The following VPS18 variants were observed in gnomAD, a reference collection of about 807,000 sequenced individuals.
VPS18 encodes the protein VPS18 core subunit of CORVET and HOPS complexes.
A neutral mutation model predicts 82.0 loss-of-function variants in VPS18; 25 were observed. The observed-to-expected ratio is 0.30, with a 90% confidence interval of 0.22 to 0.43. The LOEUF (loss-of-function observed/expected upper bound fraction) is 0.43. VPS18 is among the 20% of genes least tolerant of loss of function. The probability of loss-of-function intolerance (pLI) is 1.00; values close to 1 mark genes in which losing one functional copy is unlikely to be tolerated. For synonymous variants in VPS18, 523 were observed against 543.0 expected (o/e 0.96, Z 0.51); for missense variants, 1,168 against 1,311.1 (o/e 0.89, Z 1.69).
At position 40,900,232 on chromosome 15, in the gene VPS18, T is replaced by A; in HGVS notation, c.1414T>A (p.Phe472Ile). 1.2e-6 allele frequency: 2 copies of A among 1,613,376 alleles called. No individual in the cohort carries two copies. The highest frequency in any genetic ancestry group is 1.7e-6 in the Non-Finnish European group (2 of 1,179,864). Residue 472 changes from phenylalanine to isoleucine, a missense_variant, in exon 4 of 5, where the codon TTC becomes ATC. Phe to Ile is a conservative substitution (Grantham distance 21, BLOSUM62 0). Around this residue, in one of 3 missense-constraint regions of VPS18, gnomAD observed 868 missense variants for 939.8 expected, o/e 0.92. Transcript: ENST00000220509. The surrounding 1 kb of genome is among the most constrained non-coding windows in gnomAD (Gnocchi z 5.4). ...EARQEEALAE[F>I]LQRKLASLKP... Reference sequence around the variant, plus strand: ...CCGACAGGAGGAGGCTCTGGCTGAGTTCCTGCAGCGAAAACTGGCCAGTTT... The same window carrying A: ...CCGACAGGAGGAGGCTCTGGCTGAGATCCTGCAGCGAAAACTGGCCAGTTT...
chr15:40,901,240 G>A (rs1458094766), intron 4 of VPS18, among the ~76,000 whole-genome samples: 3 of 152,208 alleles, frequency 2.0e-5, no homozygotes, highest in Non-Finnish European at 4.4e-5. Context: ...AGATTATTTG[G>A]CCACAAAAGG....
intron 1 of VPS18, 96 bp downstream of exon 1, chr15:40,894,955 C>A: frequency 8.0e-7 from 1 of 1,243,540 alleles, no homozygotes; most frequent in Non-Finnish European, 1.1e-6. Context: ...GGGTCATCCC[C>A]TGGGCCGTGC....
rs1185998597 is a variant in VPS18 at position 40,903,787 on chromosome 15, G to GTGTCCCAGAAGTGAGAAGGCA, written c.*447_*467dup. On this transcript the variant is annotated 3_prime_UTR_variant, in exon 5 of 5. Transcript: ENST00000220509. ...AGCCTTCTCTTCCTCCTGCCTGTAG[G>GTGTCCCAGAAGTGAGAAGGCA]TGTCCCAGAAGTGAGAAGGCAGCCT... 2 of 155,662 alleles carry GTGTCCCAGAAGTGAGAAGGCA rather than the reference G, an allele frequency of 1.3e-5. No homozygotes were observed. The highest frequency in any genetic ancestry group is 3.8e-4 in the East Asian group (2 of 5,254). The allele number at this position is 155,662 out of a possible 1,614,324, so 9.6% of individuals were successfully genotyped here. A position where few individuals can be genotyped will look rare whatever the true frequency, so the allele number is the denominator to read the frequency against.
chr15:40,901,734 T>C (rs529365852), intron 4 of VPS18, among the ~76,000 whole-genome samples: 1 of 151,968 alleles, frequency 6.6e-6, no homozygotes, highest in African/African-American at 2.4e-5. Context: ...GTCGAAACCC[T>C]GTCTCTACTG....
In VPS18 at chr15:40,899,618, A is replaced by C. The variant is rs1223337058; in HGVS notation, c.800A>C (p.Tyr267Ser). The C allele has an allele frequency of 6.2e-7, 1 of 1,611,338 alleles. No homozygotes were observed. The highest frequency in any genetic ancestry group is 1.1e-5 in the South Asian group (1 of 91,084). Residue 267 changes from tyrosine (Y) to serine (S), a missense_variant, in exon 4 of 5, where the codon TAC (tyrosine) becomes TCC (serine). By Grantham distance (144) the Tyr-to-Ser change is moderately radical. This residue lies in a region of VPS18 where 868 missense variants were observed against 939.8 expected (regional missense o/e 0.92). Transcript: ENST00000220509. This position sits in a 1 kb window ranked among gnomAD's most constrained non-coding sequence, Gnocchi z 4.4. Reference protein sequence around the residue: ...PFREFPSNLGYSELAFYTPKL... With the variant: ...PFREFPSNLGSSELAFYTPKL... ...CGTGAGTTTCCCAGCAACCTGGGCT[A>C]CAGTGAGTTGGCCTTCTACACCCCC...
rs1171414890 is a variant in VPS18, at chr15:40,902,761, C to G, written c.2342C>G (p.Pro781Arg). The G allele has an allele frequency of 3.1e-6, 5 of 1,614,132 alleles. No individual in the cohort carries two copies. Among genetic ancestry groups the G allele is most frequent in the African/African-American group, 1.3e-5 (1 of 74,950 alleles). Residue 781 changes from proline to arginine, a missense_variant, in exon 5 of 5, where the codon CCC becomes CGC. Transcript: ENST00000220509. This position sits in a 1 kb window ranked among gnomAD's most constrained non-coding sequence, Gnocchi z 4.2. ...GCCATGGCTTGCCTGGCTAGCTGCCCCTTGCTCAAGATTGAGGATGTGCTG... is the reference window on the plus strand; with the variant it reads ...GCCATGGCTTGCCTGGCTAGCTGCCGCTTGCTCAAGATTGAGGATGTGCTG... ...QTAMACLASC[P>R]LLKIEDVLPF... is the part of the protein sequence containing the mutation.
chr15:40,903,140 C>A lies in VPS18; in HGVS notation c.2721C>A (p.Pro907=), dbSNP rs776901421. 3 of 1,608,554 alleles carry A rather than the reference C, an allele frequency of 1.9e-6. No individual in the cohort carries two copies. Among genetic ancestry groups the A allele is most frequent in the South Asian group, 2.2e-5 (2 of 90,672 alleles). ...AGAGGAAGCTGGGGGCTGCTCCACC[C>A]CCAGCCAAGGGCTCTGCCCGGGCCA... The part of the protein sequence containing the change: ...ELQRKLGAAP[P]PAKGSARAKE... The change falls in exon 5 of 5, where the codon CCC becomes CCA. Residue 907 remains proline (P), a synonymous_variant. Coordinates refer to ENST00000220509, the MANE Select transcript of VPS18 (RefSeq NM_020857.3).
rs377436168 is a variant in VPS18, at chr15:40,900,732, G to A, written c.1914G>A (p.Glu638=). 6.2e-7 allele frequency: 1 copy of A among 1,614,090 alleles called. No individual in the cohort carries two copies. The highest frequency in any genetic ancestry group is 1.3e-5 in the African/African-American group (1 of 74,938). ...PALVNYSQGG[E]VQQVSQAIRY... is the part of the protein sequence containing the mutation. ...TGGTGAACTACAGCCAGGGTGGTGAGGTCCAGCAGGTGAGCCAGGCCATCC... is the reference window on the plus strand; with the variant it reads ...TGGTGAACTACAGCCAGGGTGGTGAAGTCCAGCAGGTGAGCCAGGCCATCC... The change falls in exon 4 of 5, where the codon GAG becomes GAA. Residue 638 remains glutamate, a synonymous_variant. Coordinates refer to ENST00000220509, the MANE Select transcript of VPS18 (RefSeq NM_020857.3). The surrounding 1 kb of genome is among the most constrained non-coding windows in gnomAD (Gnocchi z 5.4).
At position 40,903,322 on chromosome 15, in the gene VPS18, A is replaced by G; in HGVS notation, c.2903A>G (p.Glu968Gly). The G allele has an allele frequency of 6.5e-7, 1 of 1,543,874 alleles. No homozygotes were observed. The highest frequency in any genetic ancestry group is 8.7e-7 in the Non-Finnish European group (1 of 1,144,806). ...PFIDPQRYEE[E>G]QLSWL Reference sequence around the variant, plus strand: ...ATCGACCCCCAGCGCTACGAGGAGGAGCAGCTCAGTTGGCTGTAGGAGGGT... The same window carrying G: ...ATCGACCCCCAGCGCTACGAGGAGGGGCAGCTCAGTTGGCTGTAGGAGGGT... Residue 968 changes from glutamate to glycine, a missense_variant, in exon 5 of 5, where the codon GAG becomes GGG. Coordinates refer to ENST00000220509, the MANE Select transcript of VPS18 (RefSeq NM_020857.3).
chr15:40,899,574 G>A lies in VPS18; in HGVS notation c.756G>A (p.Thr252=), dbSNP rs372228961. The A allele has an allele frequency of 1.7e-5, 27 of 1,608,046 alleles. No homozygotes were observed. The highest frequency in any genetic ancestry group is 3.3e-5 in the Admixed American group (2 of 60,012). The change falls in exon 4 of 5, where the codon ACG becomes ACA. Residue 252 remains threonine, a synonymous_variant. Transcript: ENST00000220509. This position sits in a 1 kb window ranked among gnomAD's most constrained non-coding sequence, Gnocchi z 4.4. ...QGFSGLFAAY[T]DHPPPFREFP... The stretch of plus-strand genomic sequence containing the variant: ...TCTCAGGGCTCTTTGCAGCTTACAC[G>A]GACCACCCACCCCCATTCCGTGAGT...
Position 40,899,789 on chromosome 15 carries a change from C to T in VPS18, c.971C>T (p.Pro324Leu). ...YPEGVGPGAS[P>L]PLAIVLTQFH... Reference sequence around the variant, plus strand: ...GAGGGGGTAGGGCCTGGGGCCAGCCCACCCCTAGCCATCGTCTTGACCCAG... The same window carrying T: ...GAGGGGGTAGGGCCTGGGGCCAGCCTACCCCTAGCCATCGTCTTGACCCAG... Residue 324 changes from proline (P) to leucine (L), a missense_variant, in exon 4 of 5, where the codon CCA becomes CTA. By Grantham distance (98) the Pro-to-Leu change is moderately conservative (BLOSUM62 -3). Around this residue, in one of 3 missense-constraint regions of VPS18, gnomAD observed 868 missense variants for 939.8 expected, o/e 0.92. Coordinates refer to ENST00000220509, the MANE Select transcript of VPS18 (RefSeq NM_020857.3). The surrounding 1 kb of genome is among the most constrained non-coding windows in gnomAD (Gnocchi z 4.4). The T allele has an allele frequency of 6.2e-7, 1 of 1,611,950 alleles. No homozygotes were observed. The highest frequency in any genetic ancestry group is 8.5e-7 in the Non-Finnish European group (1 of 1,180,014).
chr15:40,898,473 CTTT>C (rs1354455179), intron 2 of VPS18, among the ~76,000 whole-genome samples: 4 of 136,686 alleles, frequency 2.9e-5, no homozygotes, highest in Non-Finnish European at 4.8e-5. Context: ...TCAGCAATTT[CTTT>C]TTTTTTTTTT....
rs553749468 is a variant in VPS18 at position 40,900,754 on chromosome 15, A to T, written c.1936A>T (p.Ile646Phe). 4.0e-5 allele frequency: 65 copies of T among 1,614,178 alleles called. 1 individual carries two copies. The South Asian group carries it at 7.0e-4, about 17-fold the overall frequency. ...TGAGGTCCAGCAGGTGAGCCAGGCC[A>T]TCCGCTACATGGAGTTCTGCGTGAA... ...GGEVQQVSQA[I>F]RYMEFCVNVL... The change falls in exon 4 of 5, where the codon ATC becomes TTC. Residue 646 changes from isoleucine to phenylalanine, a missense_variant. Around this residue, in one of 3 missense-constraint regions of VPS18, gnomAD observed 868 missense variants for 939.8 expected, o/e 0.92. Coordinates refer to ENST00000220509, the MANE Select transcript of VPS18 (RefSeq NM_020857.3). This position sits in a 1 kb window ranked among gnomAD's most constrained non-coding sequence, Gnocchi z 5.4.
At chr15:40,895,830 G>A in intron 1 of VPS18, 108 bp from the exon 2 acceptor site, 1 of 1,463,494 alleles carries the variant, frequency 6.8e-7, no homozygotes, top group South Asian at 1.2e-5. Context: ...CCTGGGGATA[G>A]GAATATGTCA....
Position 40,900,463 on chromosome 15 carries a change from A to C in VPS18, c.1645A>C (p.Ser549Arg). 2 of 1,614,034 alleles carry C rather than the reference A, an allele frequency of 1.2e-6. No individual in the cohort carries two copies. The highest frequency in any genetic ancestry group is 1.7e-6 in the Non-Finnish European group (2 of 1,180,000). ...SRASIHELLA[S>R]HGDTEHMVYF... ...GGCCTCTATCCATGAGCTGCTCGCC[A>C]GTCATGGGGACACAGAACACATGGT... is the stretch of plus-strand genomic sequence containing the variant. Residue 549 changes from serine (S) to arginine (R), a missense_variant, in exon 4 of 5, where the codon AGT becomes CGT. This residue lies in a region of VPS18 where 868 missense variants were observed against 939.8 expected (regional missense o/e 0.92). Transcript: ENST00000220509. This position sits in a 1 kb window ranked among gnomAD's most constrained non-coding sequence, Gnocchi z 5.4.
rs1892297144 is a variant in VPS18 at position 40,899,394 on chromosome 15, A to G, written c.576A>G (p.Pro192=). The G allele has an allele frequency of 1.9e-6, 3 of 1,607,422 alleles. No homozygotes were observed. Among genetic ancestry groups the G allele is most frequent in the East Asian group, 4.5e-5 (2 of 44,682 alleles). The part of the protein sequence containing the change: ...FGPAPDLYFR[P]LYVLNEEGGP... ...CTGCTCCGGATCTCTACTTCCGCCC[A>G]TTGTACGTGCTAAATGAAGAAGGGG... Residue 192 remains proline, a synonymous_variant, in exon 4 of 5, where the codon CCA becomes CCG. Coordinates refer to ENST00000220509, the MANE Select transcript of VPS18 (RefSeq NM_020857.3). This position sits in a 1 kb window ranked among gnomAD's most constrained non-coding sequence, Gnocchi z 4.4.
rs372429515 is a variant in VPS18 at position 40,903,101 on chromosome 15, G to A, written c.2682G>A (p.Arg894=). The change falls in exon 5 of 5, where the codon CGG becomes CGA. Residue 894 remains arginine (R), a synonymous_variant. Transcript: ENST00000220509. The part of the protein sequence containing the change: ...RPGLPAYKQA[R]LEELQRKLGA... ...GCCTGCCAGCCTACAAGCAGGCCCGGCTGGAGGAGCTGCAGAGGAAGCTGG... is the reference window on the plus strand; with the variant it reads ...GCCTGCCAGCCTACAAGCAGGCCCGACTGGAGGAGCTGCAGAGGAAGCTGG... The A allele has an allele frequency of 1.2e-6, 2 of 1,613,318 alleles. No individual in the cohort carries two copies. Among genetic ancestry groups the A allele is most frequent in the Non-Finnish European group, 1.7e-6 (2 of 1,179,684 alleles).
At position 40,894,819 on chromosome 15, in the gene VPS18, C is replaced by T. The variant is rs139105975; in HGVS notation, c.51C>T (p.Val17=). The T allele has an allele frequency of 6.6e-5, 103 of 1,555,788 alleles. No individual in the cohort carries two copies. In the African/African-American group the frequency reaches 1.3e-3, roughly 20 times the overall value. Residue 17 remains valine, a synonymous_variant, in exon 1 of 5, where the codon GTC becomes GTT. Transcript: ENST00000220509. ...EYENSLSRSA[V]LQPGCPSVGI... is the part of the protein sequence containing the mutation. ...AGAACTCGCTGTCCCGCTCGGCCGT[C>T]TTGCAGCCCGGCTGCCCTAGCGTGG...
At chr15:40,896,438 G>A (rs1318539059) in intron 2 of VPS18, among the ~76,000 whole-genome samples, 2 of 151,884 alleles carry the variant, frequency 1.3e-5, no homozygotes, top group South Asian at 2.1e-4. Context: ...TGGGGAGGCC[G>A]AGGCAAGAGG....
Sources: gnomAD v4.1 joint callset for allele counts (sites outside exome capture counted in the v4.1 genomes callset) on GRCh38, gnomAD v4.1.1 for gene constraint, gnomAD v4.1.1 regional missense constraint, Gnocchi (gnomAD v3.1) non-coding constraint, MANE v1.5 for transcripts, NCBI Gene and HGNC (gene_info 2026-07-23, HGNC 2026-07-21) for gene names.